Variants in DYM observed in about 807,000 individuals in gnomAD.
DYM encodes the protein dyggve-Melchior-Clausen syndrome protein.
A neutral mutation model predicts 93.1 loss-of-function variants in DYM; 78 were observed. The ratio of observed to expected loss-of-function variants is 0.84; its 90% CI spans 0.70 to 1.01. The LOEUF is 1.01. Among genes scored for constraint, DYM ranks in the 50% least tolerant of loss-of-function variants. The pLI is 0.00. For missense variants in DYM, 789 were observed against 845.0 expected (o/e 0.93, Z 0.82); for synonymous variants, 321 against 319.7 (o/e 1.00, Z -0.04).
chr18:49,377,238 T>A (rs773243577), intron 5 of DYM, among the ~76,000 whole-genome samples: 145 of 152,302 alleles, frequency 9.5e-4, no homozygotes, highest in Non-Finnish European at 1.7e-3. Flanking sequence ...TTCCACAGAA[T>A]CTTTTCTACT....
chr18:49,047,650 G>A (rs956703807), intron 17 of DYM, among the ~76,000 whole-genome samples: 2 of 152,100 alleles, frequency 1.3e-5, no homozygotes, highest in Non-Finnish European at 2.9e-5. Flanking sequence ...CTAACTGCTG[G>A]TGGGGCGGTA....
At chr18:49,190,390 G>T (rs754858793) in intron 14 of DYM, among the ~76,000 whole-genome samples, 7 of 152,156 alleles carry the variant, frequency 4.6e-5, no homozygotes, top group Non-Finnish European at 7.4e-5. Context: ...TAGGACTGAA[G>T]GATATCACAT....
intron 8 of DYM, among the ~76,000 whole-genome samples, chr18:49,325,962 C>A (rs2062846723): frequency 6.6e-6 from 1 of 152,184 alleles, no homozygotes; most frequent in African/African-American, 2.4e-5. Flanking sequence ...CTGGCTCAAC[C>A]ACATGCCATG....
intron 8 of DYM, among the ~76,000 whole-genome samples, chr18:49,300,070 AAT>A (rs948967726): frequency 0.028 from 4,007 of 141,610 alleles, 152 homozygotes; most frequent in African/African-American, 0.09. Flanking sequence ...TATATATATA[AAT>A]ATATATATAT....
At chr18:49,310,504 G>C (rs2061526226) in intron 8 of DYM, among the ~76,000 whole-genome samples, 1 of 152,154 alleles carries the variant, frequency 6.6e-6, no homozygotes, top group Non-Finnish European at 1.5e-5. Context: ...ATATACATGT[G>C]AAAGAGTGTA....
At chr18:49,400,858 G>T (rs1173475929) in intron 2 of DYM, among the ~76,000 whole-genome samples, 2 of 152,186 alleles carry the variant, frequency 1.3e-5, no homozygotes, top group East Asian at 3.8e-4. Flanking sequence ...AACTGTTGCT[G>T]CCTGTTACAG....
intron 5 of DYM, among the ~76,000 whole-genome samples, chr18:49,367,898 A>G (rs927489411): frequency 6.7e-6 from 1 of 149,854 alleles, no homozygotes; most frequent in African/African-American, 2.4e-5. Context: ...TATTTATTAA[A>G]AACTTATATT....
chr18:49,358,193 G>T (rs1490909536), intron 6 of DYM, among the ~76,000 whole-genome samples: 1 of 152,086 alleles, frequency 6.6e-6, no homozygotes, highest in African/African-American at 2.4e-5. Context: ...CATGAAAAAA[G>T]ACACAGAATG....
At chr18:49,124,508 CAAAAA>C (rs5824778) in intron 15 of DYM, among the ~76,000 whole-genome samples, 2 of 131,750 alleles carry the variant, frequency 1.5e-5, no homozygotes, top group Non-Finnish European at 1.7e-5. Context: ...GACCCTGTCT[CAAAAA>C]AAAAAAAAAA....
chr18:49,227,613 A>T (rs1045862269), intron 13 of DYM, among the ~76,000 whole-genome samples: 1 of 152,144 alleles, frequency 6.6e-6, no homozygotes, highest in East Asian at 1.9e-4. Flanking sequence ...CTAAACCCAC[A>T]TCTGTGAGCT....
intron 14 of DYM, among the ~76,000 whole-genome samples, chr18:49,188,648 A>T (rs1297987187): frequency 6.6e-6 from 1 of 151,992 alleles, no homozygotes; most frequent in Non-Finnish European, 1.5e-5. Flanking sequence ...ATGAGAACAC[A>T]TGGACACAGG....
At chr18:49,067,358 G>A (rs1203489603) in intron 17 of DYM, among the ~76,000 whole-genome samples, 11 of 123,524 alleles carry the variant, frequency 8.9e-5, no homozygotes, top group Non-Finnish European at 1.0e-4. Context: ...GGGAAGGAGT[G>A]GGGTGATGTG....
chr18:49,431,454 C>T (rs2080311466), intron 1 of DYM, among the ~76,000 whole-genome samples: 1 of 152,184 alleles, frequency 6.6e-6, no homozygotes, highest in South Asian at 2.1e-4. Flanking sequence ...CTTCAAAAGT[C>T]AGTATTGGTT....
intron 1 of DYM, among the ~76,000 whole-genome samples, chr18:49,451,613 G>A (rs1365049595): frequency 6.6e-6 from 1 of 152,212 alleles, no homozygotes; most frequent in Non-Finnish European, 1.5e-5. Flanking sequence ...GAGATTTCTT[G>A]TGGAACAGAG....
intron 13 of DYM, among the ~76,000 whole-genome samples, chr18:49,234,713 G>T (rs955714205): frequency 6.6e-6 from 1 of 152,140 alleles, no homozygotes. Flanking sequence ...AAGGTAATTT[G>T]CAGACATAAT....
chr18:49,313,493 A>AAAG (rs2061735089), intron 8 of DYM, among the ~76,000 whole-genome samples: 2 of 141,038 alleles, frequency 1.4e-5, no homozygotes, highest in African/African-American at 5.7e-5. Context: ...AAAAAAAAAA[A>AAAG]AAAAGGGCTG....
chr18:49,106,444 C>G (rs572940455), intron 16 of DYM, among the ~76,000 whole-genome samples: 110 of 152,278 alleles, frequency 7.2e-4, no homozygotes, highest in African/African-American at 2.2e-3. Context: ...TTGATCCTGT[C>G]ATTATGATGT....
chr18:49,359,501 C>T (rs1447536654), intron 6 of DYM, among the ~76,000 whole-genome samples: 1 of 152,184 alleles, frequency 6.6e-6, no homozygotes, highest in African/African-American at 2.4e-5. Context: ...CTACAAAGAT[C>T]ACTGTAATGA....
At chr18:49,325,688 A>G (rs2062829232) in intron 8 of DYM, among the ~76,000 whole-genome samples, 1 of 152,264 alleles carries the variant, frequency 6.6e-6, no homozygotes, top group African/African-American at 2.4e-5. Context: ...AAATTTATTA[A>G]TAACTGATAT....
Sources: allele counts gnomAD v4.1 joint callset (sites outside exome capture counted in the v4.1 genomes callset), GRCh38; gene constraint gnomAD v4.1.1; transcripts MANE v1.5; gene names NCBI Gene and HGNC (gene_info 2026-07-23, HGNC 2026-07-21).